PARVA: variants seen among roughly 807,000 people sequenced by gnomAD.
PARVA encodes parvin alpha, also known as alpha-parvin.
Under a neutral mutation model 52.6 loss-of-function variants are expected in PARVA, and 25 were observed. That is an observed-to-expected ratio of 0.48 (90% CI 0.35 to 0.66). PARVA has a LOEUF of 0.66. Ranked by LOEUF, PARVA falls within the 30% of genes least tolerant of loss-of-function variation. PARVA has a pLI of 0.01. For synonymous variants in PARVA, 185 were observed against 179.1 expected, an observed-to-expected ratio of 1.03 and a Z score of -0.26; for missense variants, 373 against 450.9, an observed-to-expected ratio of 0.83 and a Z score of 1.56.
intron 3 of PARVA, among the ~76,000 whole-genome samples, chr11:12,474,823 A>G (rs1400912459): frequency 6.6e-6 from 1 of 151,436 alleles, no homozygotes; most frequent in African/African-American, 2.4e-5. Flanking sequence ...AAAAGTAGCC[A>G]AGTGTGGTGG....
chr11:12,513,772 G>A lies in PARVA; in HGVS notation c.799-225G>A, dbSNP rs1941533054. 5.0e-6 allele frequency: 3 copies of A among 597,938 alleles called. No homozygotes were observed. In the Admixed American group the frequency reaches 8.7e-5, roughly 17 times the overall value. The allele number at this position is 597,938 out of a possible 1,614,324, so 37.0% of individuals were successfully genotyped here. Reference sequence around the variant, plus strand: ...TCATTCTGCCTCTTGGGACCTCCTTGTTCCTTACACGCCCTGAGTTGTATG... The same window carrying A: ...TCATTCTGCCTCTTGGGACCTCCTTATTCCTTACACGCCCTGAGTTGTATG... On this transcript the variant is annotated intron_variant, in intron 9 of 12. Coordinates refer to ENST00000334956, the MANE Select transcript of PARVA (RefSeq NM_018222.5).
At chr11:12,432,110 A>T (rs1387096621) in intron 1 of PARVA, among the ~76,000 whole-genome samples, 1 of 152,136 alleles carries the variant, frequency 6.6e-6, no homozygotes, top group Non-Finnish European at 1.5e-5. Context: ...ATTAACGTAA[A>T]ATTTTTCCTA....
chr11:12,438,053 G>T (rs1192455976), intron 1 of PARVA, among the ~76,000 whole-genome samples: 1 of 152,066 alleles, frequency 6.6e-6, no homozygotes, highest in Non-Finnish European at 1.5e-5. Context: ...GATGTCAGGA[G>T]ATCGAGACCA....
chr11:12,442,053 G>A lies in PARVA; in HGVS notation c.137-31692G>A, dbSNP rs1056695146. ...AGAGTTGGAAGGGGCCTTGCCCCTT[G>A]TAGCCTACCAATCCAAACTTTACTT... On this transcript the variant is annotated intron_variant, in intron 1 of 12. Transcript: ENST00000334956. 6.6e-5 allele frequency among the ~76,000 whole-genome samples: 10 copies of A among 152,350 alleles called. No individual in the cohort carries two copies. In the East Asian group the frequency reaches 1.4e-3, roughly 21 times the overall value.
In PARVA at chr11:12,529,106, A is replaced by G. The variant is rs1159056975; in HGVS notation, c.*1181A>G. On this transcript the variant is annotated 3_prime_UTR_variant, in exon 13 of 13. Coordinates refer to ENST00000334956, the MANE Select transcript of PARVA (RefSeq NM_018222.5). The stretch of plus-strand genomic sequence containing the variant: ...GAAAGGAACTTCTTTTTGCCTTCTA[A>G]TTGATCATTTAGACTATTCTGGCTA... The G allele has an allele frequency of 1.3e-5, 2 of 152,188 alleles. No individual in the cohort carries two copies. Among genetic ancestry groups the G allele is most frequent in the Non-Finnish European group, 2.9e-5 (2 of 68,040 alleles). 9.4% of individuals were successfully genotyped at this position (152,188 alleles called of 1,614,324 possible). A position where few individuals can be genotyped will look rare whatever the true frequency, so the allele number is the denominator to read the frequency against.
intron 1 of PARVA, among the ~76,000 whole-genome samples, chr11:12,404,156 C>T (rs899585499): frequency 2.6e-5 from 4 of 151,630 alleles, no homozygotes; most frequent in African/African-American, 7.3e-5. Flanking sequence ...CTTGCCAGGA[C>T]CTCAGTAGTA....
intron 6 of PARVA, among the ~76,000 whole-genome samples, chr11:12,507,930 TAAAC>T (rs1941452357): frequency 6.6e-6 from 1 of 151,792 alleles, no homozygotes; most frequent in Admixed American, 6.6e-5. Context: ...ATTAATGAAA[TAAAC>T]AAGAAAGAGG....
chr11:12,484,872 G>A, intron 4 of PARVA, among the ~76,000 whole-genome samples: 1 of 148,830 alleles, frequency 6.7e-6, no homozygotes, highest in Admixed American at 6.8e-5. Context: ...GAGTGCAGTG[G>A]CACAATCATA....
intron 3 of PARVA, among the ~76,000 whole-genome samples, 193 bp from the exon 4 acceptor site, chr11:12,477,654 A>AGGAAGATCACTTGAGCCC (rs3833771): frequency 0.12 from 18,640 of 152,086 alleles, 1,291 homozygotes; most frequent in Non-Finnish European, 0.17. Flanking sequence ...AGGTTGAGGC[A>AGGAAGATCACTTGAGCCC]GGAAGATCAC....
intron 4 of PARVA, among the ~76,000 whole-genome samples, chr11:12,493,059 A>G (rs1941252196): frequency 6.6e-6 from 1 of 152,178 alleles, no homozygotes; most frequent in South Asian, 2.1e-4. Flanking sequence ...CATTTTCATT[A>G]AAAGAGAAAG....
Position 12,529,664 on chromosome 11 carries a change from A to T in PARVA, c.*1739A>T, listed in dbSNP as rs1021812584. 2 of 152,172 alleles carry T rather than the reference A, an allele frequency of 1.3e-5. No individual in the cohort carries two copies. The highest frequency in any genetic ancestry group is 4.8e-5 in the African/African-American group (2 of 41,432). The allele number at this position is 152,172 out of a possible 1,614,324, so 9.4% of individuals were successfully genotyped here. A position where few individuals can be genotyped will look rare whatever the true frequency, so the allele number is the denominator to read the frequency against. ...TTAGGCCTCCTATAATGTCCAAAAC[A>T]TTCCTTTCAGCCTTTTTATTTCTTA... is the stretch of plus-strand genomic sequence containing the variant. On this transcript the variant is annotated 3_prime_UTR_variant, in exon 13 of 13. Coordinates refer to ENST00000334956, the MANE Select transcript of PARVA (RefSeq NM_018222.5).
intron 4 of PARVA, among the ~76,000 whole-genome samples, chr11:12,490,510 A>G (rs547836234): frequency 1.7e-4 from 15 of 87,486 alleles, no homozygotes; most frequent in South Asian, 8.8e-4. Context: ...GAGTAAGACT[A>G]TGTCTCAAAA....
chr11:12,489,291 A>G (rs978681983), intron 4 of PARVA, among the ~76,000 whole-genome samples: 3 of 152,178 alleles, frequency 2.0e-5, no homozygotes, highest in Non-Finnish European at 4.4e-5. Flanking sequence ...TTAAGACTGG[A>G]AGGTAGATAT....
chr11:12,476,963 T>C (rs1041935961), intron 3 of PARVA, among the ~76,000 whole-genome samples: 1 of 152,204 alleles, frequency 6.6e-6, no homozygotes, highest in African/African-American at 2.4e-5. Flanking sequence ...CCCCCAGGCC[T>C]GTGGTCAGGG....
intron 1 of PARVA, among the ~76,000 whole-genome samples, chr11:12,406,673 T>G (rs1049216186): frequency 7.3e-6 from 1 of 136,080 alleles, no homozygotes; most frequent in Non-Finnish European, 1.6e-5. Context: ...TTTTTTTTTT[T>G]TTTTTTTTTT....
chr11:12,439,594 G>A (rs1420481472), intron 1 of PARVA, among the ~76,000 whole-genome samples: 1 of 152,164 alleles, frequency 6.6e-6, no homozygotes, highest in African/African-American at 2.4e-5. Flanking sequence ...TTGAGACCTT[G>A]TTTGGATCTC....
At chr11:12,498,041 T>C (rs1366115883) in intron 5 of PARVA, among the ~76,000 whole-genome samples, 4 of 151,880 alleles carry the variant, frequency 2.6e-5, no homozygotes, top group African/African-American at 9.7e-5. Flanking sequence ...ATTACTATTA[T>C]TATTTTTTTG....
chr11:12,378,316 G>A (rs914989194), intron 1 of PARVA, among the ~76,000 whole-genome samples: 1 of 152,148 alleles, frequency 6.6e-6, no homozygotes. Context: ...TGGCCTCTTC[G>A]GGATCTTTTG....
chr11:12,508,881 T>A (rs1298960080), intron 7 of PARVA, among the ~76,000 whole-genome samples: 1 of 152,080 alleles, frequency 6.6e-6, no homozygotes, highest in Admixed American at 6.5e-5. Flanking sequence ...AACTTCTAAT[T>A]TTGTGCCACT....
Sources: allele counts gnomAD v4.1 joint callset (sites outside exome capture counted in the v4.1 genomes callset), GRCh38; gene constraint gnomAD v4.1.1; transcripts MANE v1.5; gene names NCBI Gene and HGNC (gene_info 2026-07-23, HGNC 2026-07-21).